Variants in GNB4 observed in about 807,000 individuals in gnomAD.
The protein encoded by GNB4 is G protein subunit beta 4.
GNB4 carries 28 observed loss-of-function variants against 45.2 expected under a neutral mutation model. The observed-to-expected ratio is 0.62, with a 90% CI of 0.46 to 0.85. The LOEUF (loss-of-function observed/expected upper bound fraction) is 0.85, where lower values mean the gene tolerates loss of function less well. Ranked by LOEUF, GNB4 falls within the 40% of genes least tolerant of loss-of-function variation. GNB4 has a pLI of 0.00. For synonymous variants in GNB4, 132 were observed against 143.7 expected (o/e 0.92, Z 0.58); for missense variants, 321 against 425.4 (o/e 0.75, Z 2.16).
the GNB4 span, among the ~76,000 whole-genome samples, chr3:179,459,237 CTG>C: frequency 6.6e-6 from 1 of 151,660 alleles, no homozygotes; most frequent in East Asian, 1.9e-4. Context: ...AGTGTGCTCA[CTG>C]TGCAAATGAA....
the GNB4 span, among the ~76,000 whole-genome samples, chr3:179,523,694 G>A: frequency 2.0e-5 from 3 of 152,166 alleles, no homozygotes; most frequent in Non-Finnish European, 2.9e-5. Context: ...AGCAGGGTAA[G>A]GGTGATTAGG....
intron 1 of GNB4, among the ~76,000 whole-genome samples, chr3:179,431,566 AAAAAAAAG>A (rs1715310807): frequency 6.6e-6 from 1 of 151,708 alleles, no homozygotes; most frequent in Middle Eastern, 3.2e-3. Context: ...TCAAAAAAAA[AAAAAAAAG>A]ACTAAATCAC....
In GNB4 at chr3:179,401,030, C is replaced by T. The variant is rs374232944; in HGVS notation, c.*183G>A. The T allele has an allele frequency of 4.4e-5, 22 of 503,554 alleles. No individual in the cohort carries two copies. Among genetic ancestry groups the T allele is most frequent in the African/African-American group, 1.2e-4 (6 of 51,004 alleles). The allele number at this position is 503,554 out of a possible 1,614,324, so 31.2% of individuals were successfully genotyped here. ...CACTGGTCCTTTTGATCTCAGAAGG[C>T]GCCTTTGCCTTTTTTCCTCCACCCC... On this transcript the variant is annotated 3_prime_UTR_variant, in exon 10 of 10. Transcript: ENST00000232564.
chr3:179,453,569 A>G (rs1015525539), upstream of GNB4, among the ~76,000 whole-genome samples: 1 of 152,330 alleles, frequency 6.6e-6, no homozygotes, highest in Non-Finnish European at 1.5e-5. Flanking sequence ...GTGGGAAGCA[A>G]TGAGATAGTC....
At chr3:179,483,889 G>C in the GNB4 span, among the ~76,000 whole-genome samples, 1 of 152,046 alleles carries the variant, frequency 6.6e-6, no homozygotes, top group Non-Finnish European at 1.5e-5. Context: ...CAAAATATTT[G>C]ACAAATTTTA....
Position 179,403,249 on chromosome 3 carries a change from T to G in GNB4, c.917-1930A>C, listed in dbSNP as rs140287743. 8.1e-3 allele frequency among the ~76,000 whole-genome samples: 1,233 copies of G among 151,296 alleles called. 22 individuals carry two copies. Among genetic ancestry groups the G allele is most frequent in the African/African-American group, 0.029 (1,178 of 41,210 alleles). On this transcript the variant is annotated intron_variant, in intron 9 of 9. Coordinates refer to ENST00000232564, the MANE Select transcript of GNB4 (RefSeq NM_021629.4). ...CTCGCTCTTAAGTATGAATAAGAAT[T>G]AACACTTTTAAGGAAATATTCTAAA...
At chr3:179,417,103 G>T (rs1274277271) in intron 4 of GNB4, among the ~76,000 whole-genome samples, 1 of 152,172 alleles carries the variant, frequency 6.6e-6, no homozygotes, top group Admixed American at 6.5e-5. Context: ...TGCCACAGGA[G>T]AGTAAAGGAG....
At chr3:179,457,660 A>G in the GNB4 span, among the ~76,000 whole-genome samples, 2 of 152,214 alleles carry the variant, frequency 1.3e-5, no homozygotes, top group Admixed American at 6.5e-5. Context: ...TCAGATAAAA[A>G]GGTATCTTCG....
intron 2 of GNB4, among the ~76,000 whole-genome samples, chr3:179,425,318 A>C (rs1715110177): frequency 6.6e-6 from 1 of 152,110 alleles, no homozygotes; most frequent in Non-Finnish European, 1.5e-5. Flanking sequence ...GCTTCACTGC[A>C]TTTGGCAACT....
chr3:179,438,491 G>A lies in GNB4; in HGVS notation c.-42-12249C>T, dbSNP rs73172219. Among the ~76,000 whole-genome samples the A allele has an allele frequency of 7.1e-3, 1,079 of 152,298 alleles. 3 individuals are homozygous for A. The highest frequency in any genetic ancestry group is 0.011 in the Non-Finnish European group (718 of 68,038). On this transcript the variant is annotated intron_variant, in intron 1 of 9. Transcript: ENST00000232564. Reference sequence around the variant, plus strand: ...TTTAAGTCAATTTGGCCCAGCAAGGGAAATATATGAAGAAGCTATAGCCAT... The same window carrying A: ...TTTAAGTCAATTTGGCCCAGCAAGGAAAATATATGAAGAAGCTATAGCCAT...
intron 1 of GNB4, among the ~76,000 whole-genome samples, chr3:179,432,787 GAA>G (rs1311187789): frequency 2.0e-5 from 3 of 152,206 alleles, no homozygotes; most frequent in African/African-American, 4.8e-5. Context: ...CAGCAGAAGA[GAA>G]AGTCATCTAA....
the GNB4 span, among the ~76,000 whole-genome samples, chr3:179,493,493 T>A: frequency 1.4e-5 from 2 of 145,968 alleles, no homozygotes; most frequent in Non-Finnish European, 3.0e-5. Flanking sequence ...ATCTATGAAC[T>A]CAAGCACAAG....
the GNB4 span, among the ~76,000 whole-genome samples, chr3:179,467,289 G>C: frequency 6.6e-6 from 1 of 152,166 alleles, no homozygotes; most frequent in South Asian, 2.1e-4. Context: ...CGGGATTACA[G>C]GTGTGAGCCA....
intron 2 of GNB4, among the ~76,000 whole-genome samples, chr3:179,425,866 A>T (rs1016788024): frequency 6.6e-6 from 1 of 152,216 alleles, no homozygotes; most frequent in Non-Finnish European, 1.5e-5. Context: ...TTGTACCAAA[A>T]ATCTATGATT....
At chr3:179,486,130 G>C in the GNB4 span, among the ~76,000 whole-genome samples, 1 of 148,678 alleles carries the variant, frequency 6.7e-6, no homozygotes, top group Non-Finnish European at 1.5e-5. Flanking sequence ...GGCTGAGGCA[G>C]AGAACTGCTT....
At chr3:179,439,689 T>C (rs1715550121) in intron 1 of GNB4, among the ~76,000 whole-genome samples, 1 of 150,682 alleles carries the variant, frequency 6.6e-6, no homozygotes, top group Non-Finnish European at 1.5e-5. Context: ...TATGTTGTCT[T>C]ATGTAAAAAT....
At chr3:179,491,304 T>C in the GNB4 span, among the ~76,000 whole-genome samples, 4 of 152,312 alleles carry the variant, frequency 2.6e-5, no homozygotes, top group East Asian at 7.7e-4. Context: ...TGAAATCTAT[T>C]CACAGGTTTC....
At chr3:179,482,325 C>G in the GNB4 span, among the ~76,000 whole-genome samples, 1,353 of 152,148 alleles carry the variant, frequency 8.9e-3, 33 homozygotes, top group African/African-American at 0.031. Context: ...CATACATCAG[C>G]GAAGATTAGA....
the GNB4 span, among the ~76,000 whole-genome samples, chr3:179,506,738 G>C: frequency 0.036 from 5,404 of 152,108 alleles, 196 homozygotes; most frequent in Admixed American, 0.12. Context: ...TCAAATCCTA[G>C]TTCCATACTC....
Sources: gnomAD v4.1 joint callset for allele counts (sites outside exome capture counted in the v4.1 genomes callset) on GRCh38, gnomAD v4.1.1 for gene constraint, MANE v1.5 for transcripts, NCBI Gene and HGNC (gene_info 2026-07-23, HGNC 2026-07-21) for gene names.